MS4A18: variants seen among roughly 807,000 people sequenced by gnomAD.
The protein encoded by MS4A18 is membrane-spanning 4-domains subfamily A member 18.
In MS4A18, 27 loss-of-function variants were observed where a neutral mutation model predicts 13.1. The ratio of observed to expected loss-of-function variants is 2.06; its 90% CI spans 1.52 to 2.84. The LOEUF (loss-of-function observed/expected upper bound fraction) is 2.84. MS4A18 is among the 30% of genes most tolerant of loss of function. The pLI is 0.00. For synonymous variants in MS4A18, 126 were observed against 76.5 expected (o/e 1.65, Z -3.38); for missense variants, 307 against 196.4 (o/e 1.56, Z -3.37).
chr11:60,730,832 T>G (rs984214413), intron 1 of MS4A18, among the ~76,000 whole-genome samples: 1 of 152,202 alleles, frequency 6.6e-6, no homozygotes, highest in Non-Finnish European at 1.5e-5. Flanking sequence ...CGGTGGCTCA[T>G]GCCTGTAATC....
chr11:60,744,110 G>A (rs1465188456), exon 6 of MS4A18: 1 of 612,506 alleles, frequency 1.6e-6, no homozygotes, highest in Non-Finnish European at 2.9e-6. Flanking sequence ...TAGCCTTGTT[G>A]CCAGACTGAA....
At chr11:60,736,312 T>G (rs1275589052) in intron 2 of MS4A18, among the ~76,000 whole-genome samples, 4 of 150,040 alleles carry the variant, frequency 2.7e-5, no homozygotes. Flanking sequence ...CCTCCAGCAC[T>G]TTCTGGCTAT....
rs192506757 is a variant in MS4A18, at chr11:60,733,617, G to A, written c.561G>A (p.Leu187=). 1.2e-3 allele frequency: 857 copies of A among 703,652 alleles called. 5 individuals are homozygous for A. The highest frequency in any genetic ancestry group is 4.3e-3 in the South Asian group (290 of 67,604). The allele number at this position is 703,652 out of a possible 1,614,324, so 43.6% of individuals were successfully genotyped here. ...ATTACTATCCTTTTGTGACCTGGTT[G>A]TCAGGGTACCCGCTCTGGGGAGGAT... Residue 187 remains leucine (L), a synonymous_variant, in exon 2 of 6, where the codon TTG becomes TTA. Coordinates refer to ENST00000529108, the Ensembl canonical transcript of MS4A18.
upstream of MS4A18, among the ~76,000 whole-genome samples, chr11:60,728,404 A>ATG (rs150038728): frequency 0.016 from 2,281 of 144,364 alleles, 38 homozygotes; most frequent in East Asian, 0.072. Flanking sequence ...GTGTGTATGT[A>ATG]TGTGTGTGTG....
In MS4A18 at chr11:60,737,523, G is replaced by A. The variant is rs144595666; in HGVS notation, c.648+489G>A. 8.8e-3 allele frequency among the ~76,000 whole-genome samples: 1,347 copies of A among 152,290 alleles called. 12 individuals carry two copies. The highest frequency in any genetic ancestry group is 0.015 in the Non-Finnish European group (992 of 68,030). ...TTTGTGTGGACCTAGAAAAGTGAGA[G>A]CAATACCTGCCTTGAACAATTTAAA... On this transcript the variant is annotated intron_variant, in intron 3 of 5. Coordinates refer to ENST00000529108, the Ensembl canonical transcript of MS4A18.
At chr11:60,738,242 G>A (rs143803527) in intron 3 of MS4A18, among the ~76,000 whole-genome samples, 2 of 152,248 alleles carry the variant, frequency 1.3e-5, no homozygotes, top group Non-Finnish European at 2.9e-5. Flanking sequence ...ATAATTCGAG[G>A]ACTTCAGCCT....
chr11:60,743,875 C>T (rs1373314649), exon 6 of MS4A18: 2 of 703,034 alleles, frequency 2.8e-6, no homozygotes, highest in Admixed American at 4.0e-5. Flanking sequence ...TAACATTGGC[C>T]CTGTCAATGT....
downstream of MS4A18, chr11:60,744,320 A>G (rs2134684216): frequency 1.0e-5 from 3 of 290,980 alleles, no homozygotes; most frequent in East Asian, 8.7e-5. Flanking sequence ...TGCCTCAGCC[A>G]TGGAATTCTT....
At chr11:60,736,677 A>C (rs1853344497) in intron 2 of MS4A18, among the ~76,000 whole-genome samples, 1 of 152,184 alleles carries the variant, frequency 6.6e-6, no homozygotes, top group South Asian at 2.1e-4. Context: ...ACTCAAGGAG[A>C]ATCAGTCAAA....
intron 1 of MS4A18, among the ~76,000 whole-genome samples, chr11:60,731,042 C>T (rs1021019325): frequency 6.6e-6 from 1 of 151,728 alleles, no homozygotes; most frequent in Non-Finnish European, 1.5e-5. Context: ...TGCAGTGAGC[C>T]GAGACAGCGC....
At chr11:60,732,262 G>A (rs1853265514) in intron 1 of MS4A18, among the ~76,000 whole-genome samples, 1 of 152,076 alleles carries the variant, frequency 6.6e-6, no homozygotes, top group African/African-American at 2.4e-5. Flanking sequence ...TCAGACAGTG[G>A]CAACAGTGGA....
intron 4 of MS4A18, among the ~76,000 whole-genome samples, chr11:60,739,421 G>A (rs1440760950): frequency 1.3e-5 from 2 of 152,148 alleles, no homozygotes; most frequent in African/African-American, 2.4e-5. Flanking sequence ...CAGATGCAAA[G>A]AGAAGGATTC....
exon 1 of MS4A18, chr11:60,729,322 G>A (rs1031557933): frequency 3.1e-5 from 22 of 701,942 alleles, no homozygotes; most frequent in African/African-American, 1.9e-4. Context: ...CACCATGACC[G>A]AACAGGTGAT....
downstream of MS4A18, chr11:60,744,225 T>A: frequency 1.9e-6 from 1 of 517,510 alleles, no homozygotes; most frequent in Non-Finnish European, 3.5e-6. Context: ...TCTCAGTATC[T>A]TTTAACCTTG....
chr11:60,728,858 C>T (rs1853206399), upstream of MS4A18, among the ~76,000 whole-genome samples: 1 of 152,184 alleles, frequency 6.6e-6, no homozygotes, highest in Admixed American at 6.5e-5. Context: ...GCCTAGCCTC[C>T]CATCCCACAG....
In MS4A18 at chr11:60,735,335, C is replaced by CTT. The variant is rs71043724; in HGVS notation, c.592-1628_592-1627dup. Among the ~76,000 whole-genome samples, 1,050 of 121,626 alleles carry CTT rather than the reference C, an allele frequency of 8.6e-3. 10 individuals carry two copies. Among genetic ancestry groups the CTT allele is most frequent in the African/African-American group, 0.029 (995 of 34,442 alleles). The allele number at this position is 121,626 out of a possible 152,430, so 79.8% of individuals were successfully genotyped here. ...CCACTATTTTCAATTTAATGTTTTT[C>CTT]TTTTTTTTTTTTTTTTGAGACGGAG... On this transcript the variant is annotated intron_variant, in intron 2 of 5. Coordinates refer to ENST00000529108, the Ensembl canonical transcript of MS4A18.
chr11:60,732,348 G>A (rs1340563252), intron 1 of MS4A18, among the ~76,000 whole-genome samples: 2 of 151,990 alleles, frequency 1.3e-5, no homozygotes, highest in African/African-American at 4.8e-5. Context: ...CGTTGCCAAG[G>A]GGAACTGTGG....
chr11:60,725,848 G>T (rs530110650), upstream of MS4A18, among the ~76,000 whole-genome samples: 1 of 152,144 alleles, frequency 6.6e-6, no homozygotes, highest in Admixed American at 6.5e-5. Context: ...TATATTGCTG[G>T]GGGAACTGCC....
upstream of MS4A18, among the ~76,000 whole-genome samples, chr11:60,726,044 C>T (rs1853154531): frequency 1.3e-5 from 2 of 152,212 alleles, no homozygotes; most frequent in Non-Finnish European, 2.9e-5. Context: ...CCATATGTCA[C>T]TGGTAGAACA....
Sources: gnomAD v4.1 joint callset for allele counts (sites outside exome capture counted in the v4.1 genomes callset) on GRCh38, gnomAD v4.1.1 for gene constraint, MANE v1.5 for transcripts, NCBI Gene and HGNC (gene_info 2026-07-23, HGNC 2026-07-21) for gene names.